The following KCNK5 variants were observed in gnomAD, a reference collection of about 807,000 sequenced individuals.
The protein encoded by KCNK5 is potassium two pore domain channel subfamily K member 5, also known as potassium channel subfamily K member 5.
In KCNK5, 18 loss-of-function variants were observed where a neutral mutation model predicts 32.9. That is an observed-to-expected ratio of 0.55 (90% CI 0.38 to 0.81). The LOEUF is 0.81. KCNK5 is among the 30% of genes least tolerant of loss of function. The probability of loss-of-function intolerance (pLI) is 0.00; values close to 1 mark genes in which losing one functional copy is unlikely to be tolerated. For missense variants in KCNK5, 507 were observed against 651.0 expected, an observed-to-expected ratio of 0.78 and a Z score of 2.41; for synonymous variants, 276 against 275.3, an observed-to-expected ratio of 1.00 and a Z score of -0.03.
intron 1 of KCNK5, among the ~76,000 whole-genome samples, chr6:39,198,849 G>A (rs1771074834): frequency 6.6e-6 from 1 of 152,162 alleles, no homozygotes; most frequent in African/African-American, 2.4e-5. Context: ...AGTCTACAAA[G>A]GGCTACTCCT....
chr6:39,213,107 A>G (rs891962989), intron 1 of KCNK5, among the ~76,000 whole-genome samples: 4 of 152,214 alleles, frequency 2.6e-5, no homozygotes, highest in Non-Finnish European at 5.9e-5. Flanking sequence ...CGAAGGGTCA[A>G]CTATACACTG....
At chr6:39,218,615 C>T (rs549285005) in intron 1 of KCNK5, among the ~76,000 whole-genome samples, 89 of 152,216 alleles carry the variant, frequency 5.8e-4, no homozygotes, top group Non-Finnish European at 1.0e-3. Flanking sequence ...AGAATGGGTC[C>T]GCAGAGACCC....
At position 39,194,074 on chromosome 6, in the gene KCNK5, A is replaced by G; in HGVS notation, c.634+95T>C. ...CCACTGGGTAAGAGAAGTGCCCAGA[A>G]CATGGAACCCTACCTAGGGCACCCC... On this transcript the variant is annotated intron_variant, in intron 4 of 4. Coordinates refer to ENST00000359534, the MANE Select transcript of KCNK5 (RefSeq NM_003740.4). This position sits in a 1 kb window ranked among gnomAD's most constrained non-coding sequence, Gnocchi z 4.7. 1 of 1,356,644 alleles carries G rather than the reference A, an allele frequency of 7.4e-7. No homozygotes were observed. The highest frequency in any genetic ancestry group is 1.2e-5 in the South Asian group (1 of 83,076). The allele number at this position is 1,356,644 out of a possible 1,614,324, so 84.0% of individuals were successfully genotyped here. A position where few individuals can be genotyped will look rare whatever the true frequency, so the allele number is the denominator to read the frequency against.
intron 1 of KCNK5, among the ~76,000 whole-genome samples, chr6:39,210,554 G>T (rs1771317263): frequency 6.6e-6 from 1 of 152,214 alleles, no homozygotes; most frequent in South Asian, 2.1e-4. Context: ...CAACGATGGG[G>T]CCAGAGTCAT....
chr6:39,209,587 C>A (rs1771291815), intron 1 of KCNK5, among the ~76,000 whole-genome samples: 1 of 152,188 alleles, frequency 6.6e-6, no homozygotes, highest in South Asian at 2.1e-4. Context: ...GGATGAGAGG[C>A]CAGGCAACAG....
At chr6:39,223,663 C>T (rs760085411) in intron 1 of KCNK5, among the ~76,000 whole-genome samples, 7 of 152,154 alleles carry the variant, frequency 4.6e-5, no homozygotes, top group African/African-American at 1.7e-4. Flanking sequence ...GGCTCCTCTG[C>T]TCCCCAAAAC....
chr6:39,208,668 AG>A (rs1335555472), intron 1 of KCNK5, among the ~76,000 whole-genome samples: 1 of 152,212 alleles, frequency 6.6e-6, no homozygotes, highest in East Asian at 1.9e-4. Flanking sequence ...CATTCTGTGC[AG>A]GGGGGGAGGG....
intron 1 of KCNK5, among the ~76,000 whole-genome samples, chr6:39,211,113 A>G (rs1771329731): frequency 6.6e-6 from 1 of 152,158 alleles, no homozygotes; most frequent in Admixed American, 6.5e-5. Context: ...CACCCTAAGA[A>G]GAGAAATACC....
At chr6:39,205,223 T>G (rs536594999) in intron 1 of KCNK5, among the ~76,000 whole-genome samples, 3 of 152,240 alleles carry the variant, frequency 2.0e-5, no homozygotes. Flanking sequence ...TGACTGACAC[T>G]GGAAATCCCT....
At position 39,190,814 on chromosome 6, in the gene KCNK5, G is replaced by C; in HGVS notation, c.*76C>G. The C allele has an allele frequency of 7.3e-7, 1 of 1,362,904 alleles. No individual in the cohort carries two copies. 84.4% of individuals were successfully genotyped at this position (1,362,904 alleles called of 1,614,324 possible). ...GCTGCCCCCCCACCAGGGGCCAGGC[G>C]TCCCGGTCATCTCGGGACACCCTAG... On this transcript the variant is annotated 3_prime_UTR_variant, in exon 5 of 5. Transcript: ENST00000359534.
At chr6:39,210,949 C>T (rs565828967) in intron 1 of KCNK5, among the ~76,000 whole-genome samples, 1 of 152,240 alleles carries the variant, frequency 6.6e-6, no homozygotes, top group South Asian at 2.1e-4. Flanking sequence ...TTCCACCCAT[C>T]CTAAAAACAG....
rs373843714 is a variant in KCNK5, at chr6:39,201,503, G to A, written c.187-5516C>T. Among the ~76,000 whole-genome samples the A allele has an allele frequency of 1.4e-4, 22 of 151,978 alleles. No individual in the cohort carries two copies. The South Asian group carries it at 4.6e-3, about 32-fold the overall frequency. ...TGACCTCCGGTGATCCACCTGCCTC[G>A]GGCTCCCAAAGTGCTGGGATTACAG... On this transcript the variant is annotated intron_variant, in intron 1 of 4. Coordinates refer to ENST00000359534, the MANE Select transcript of KCNK5 (RefSeq NM_003740.4).
At chr6:39,193,482 G>A (rs1242570531) in intron 4 of KCNK5, among the ~76,000 whole-genome samples, 1 of 152,234 alleles carries the variant, frequency 6.6e-6, no homozygotes, top group African/African-American at 2.4e-5. Context: ...GGGTCAACAG[G>A]GTCAAACAGG....
At chr6:39,211,792 C>T (rs557867694) in intron 1 of KCNK5, among the ~76,000 whole-genome samples, 19 of 151,620 alleles carry the variant, frequency 1.3e-4, no homozygotes, top group African/African-American at 3.6e-4. Flanking sequence ...GGTGAAACCC[C>T]GTCTCTACTA....
At chr6:39,223,784 G>A (rs1771602001) in intron 1 of KCNK5, among the ~76,000 whole-genome samples, 1 of 152,172 alleles carries the variant, frequency 6.6e-6, no homozygotes, top group African/African-American at 2.4e-5. Context: ...TTGGCCCGAG[G>A]TCAGGGCCAG....
At chr6:39,224,638 A>G (rs910415175) in intron 1 of KCNK5, among the ~76,000 whole-genome samples, 2 of 152,242 alleles carry the variant, frequency 1.3e-5, no homozygotes, top group Non-Finnish European at 2.9e-5. Flanking sequence ...TTAGGAAGGA[A>G]GGAGGCCAGT....
chr6:39,207,634 C>T (rs1453863366), intron 1 of KCNK5, among the ~76,000 whole-genome samples: 3 of 150,110 alleles, frequency 2.0e-5, no homozygotes, highest in Non-Finnish European at 4.4e-5. Context: ...AGGAAGCAGG[C>T]AGGTGGGTGG....
intron 1 of KCNK5, among the ~76,000 whole-genome samples, chr6:39,198,077 C>G (rs1312401497): frequency 6.6e-6 from 1 of 152,174 alleles, no homozygotes; most frequent in Non-Finnish European, 1.5e-5. Context: ...ACAGATTCAC[C>G]CAGAACAAGT....
chr6:39,218,002 T>C (rs1771470869), intron 1 of KCNK5, among the ~76,000 whole-genome samples: 1 of 151,526 alleles, frequency 6.6e-6, no homozygotes, highest in Admixed American at 6.6e-5. Context: ...ATCAGGTAGG[T>C]CAGTTTAGTG....
Sources: gnomAD v4.1 joint callset for allele counts (sites outside exome capture counted in the v4.1 genomes callset) on GRCh38, gnomAD v4.1.1 for gene constraint, Gnocchi (gnomAD v3.1) non-coding constraint, MANE v1.5 for transcripts, NCBI Gene and HGNC (gene_info 2026-07-23, HGNC 2026-07-21) for gene names.